The following EML6 variants were observed in gnomAD, a reference collection of about 807,000 sequenced individuals.
EML6 encodes EMAP like 6.
EML6 carries 154 observed loss-of-function variants against 240.1 expected under a neutral mutation model. That is an observed-to-expected ratio of 0.64 (90% CI 0.56 to 0.73). The LOEUF is 0.73. Among genes scored for constraint, EML6 ranks in the 30% least tolerant of loss-of-function variants. EML6 has a pLI of 0.00. For missense variants in EML6, 2,964 were observed against 2,474.6 expected (o/e 1.20, Z -4.20); for synonymous variants, 1,148 against 899.0 (o/e 1.28, Z -4.95).
At chr2:54,964,316 T>A (rs1204376696) in intron 37 of EML6, among the ~76,000 whole-genome samples, 158 bp downstream of exon 37, 1 of 152,252 alleles carries the variant, frequency 6.6e-6, no homozygotes, top group East Asian at 1.9e-4. Flanking sequence ...CTCTCACTCT[T>A]AGACAAGTCT....
chr2:54,867,009 C>A (rs935362088), intron 14 of EML6, 125 bp downstream of exon 14: 2 of 575,756 alleles, frequency 3.5e-6, no homozygotes, highest in African/African-American at 3.8e-5. Context: ...TAGCTCTTCT[C>A]TGCAATGTGC....
At chr2:54,835,100 C>T (rs1490664974) in intron 7 of EML6, among the ~76,000 whole-genome samples, 2 of 152,214 alleles carry the variant, frequency 1.3e-5, no homozygotes, top group Non-Finnish European at 2.9e-5. Flanking sequence ...GACTACTTCC[C>T]TCCTCTCCTT....
chr2:54,921,879 A>G (rs892830380), intron 26 of EML6, among the ~76,000 whole-genome samples: 1 of 152,188 alleles, frequency 6.6e-6, no homozygotes, highest in African/African-American at 2.4e-5. Flanking sequence ...TCTACATTCA[A>G]AAGAATGAAT....
In EML6 at chr2:54,887,030, C is replaced by G. The variant is rs1012234445; in HGVS notation, c.2439-4024C>G. 3.3e-5 allele frequency among the ~76,000 whole-genome samples: 5 copies of G among 152,332 alleles called. No homozygotes were observed. In the East Asian group the frequency reaches 7.7e-4, roughly 24 times the overall value. On this transcript the variant is annotated intron_variant, in intron 17 of 41. Coordinates refer to ENST00000356458, the MANE Select transcript of EML6 (RefSeq NM_001039753.4). ...TACTGCTTTTTATTATTCCCATTAT[C>G]TGGCAATTCTAAACAATGTTAGTGA...
At chr2:54,912,519 A>G (rs6728757) in intron 25 of EML6, among the ~76,000 whole-genome samples, 92,301 of 151,974 alleles carry the variant, frequency 0.61, 28,693 homozygotes, top group African/African-American at 0.73. Flanking sequence ...ACCCAGGTAG[A>G]GAGCACAGTA....
At chr2:54,833,618 C>T (rs186648339) in intron 7 of EML6, among the ~76,000 whole-genome samples, 39 of 152,298 alleles carry the variant, frequency 2.6e-4, no homozygotes, top group Admixed American at 2.2e-3. Flanking sequence ...TCCCTCCCTT[C>T]TCCCCAAGGG....
intron 2 of EML6, among the ~76,000 whole-genome samples, chr2:54,811,844 G>C (rs767193321): frequency 2.0e-4 from 30 of 152,184 alleles, no homozygotes; most frequent in Admixed American, 1.3e-4. Flanking sequence ...CTCACCAACT[G>C]AATGCTGAAG....
intron 32 of EML6, 119 bp from the exon 33 acceptor site, chr2:54,957,671 G>A (rs1279438192): frequency 1.2e-6 from 1 of 856,802 alleles, no homozygotes; most frequent in Non-Finnish European, 1.9e-6. Flanking sequence ...AGAGAGTGCT[G>A]TAAAGAAGAA....
intron 28 of EML6, among the ~76,000 whole-genome samples, chr2:54,936,698 G>A (rs906813097): frequency 3.9e-5 from 6 of 152,158 alleles, no homozygotes; most frequent in Admixed American, 2.0e-4. Flanking sequence ...GCTTTTGACT[G>A]TCTATCCAGG....
chr2:54,850,767 C>T (rs551889932), intron 10 of EML6, among the ~76,000 whole-genome samples: 21 of 152,228 alleles, frequency 1.4e-4, no homozygotes, highest in Middle Eastern at 3.4e-3. Context: ...AAGGCATGTG[C>T]GCACAAGGAT....
At chr2:54,822,019 A>G (rs1409232989) in intron 5 of EML6, among the ~76,000 whole-genome samples, 1 of 152,164 alleles carries the variant, frequency 6.6e-6, no homozygotes, top group Non-Finnish European at 1.5e-5. Context: ...GAAACCGCAA[A>G]CTAGCAAAAG....
At chr2:54,730,007 G>T (rs1454857038) in intron 2 of EML6, among the ~76,000 whole-genome samples, 1 of 152,086 alleles carries the variant, frequency 6.6e-6, no homozygotes, top group Non-Finnish European at 1.5e-5. Context: ...ATGGTGGCAG[G>T]TGCCTGTGGT....
chr2:54,930,685 G>A (rs935424520), intron 28 of EML6, among the ~76,000 whole-genome samples: 2 of 152,170 alleles, frequency 1.3e-5, no homozygotes, highest in African/African-American at 2.4e-5. Context: ...TCTGTAGAGA[G>A]CAGCTTCCTA....
intron 2 of EML6, among the ~76,000 whole-genome samples, chr2:54,730,684 G>A (rs190185576): frequency 5.1e-4 from 77 of 152,138 alleles, no homozygotes; most frequent in Admixed American, 2.7e-3. Context: ...AGCTTTTGAC[G>A]GAAGCTTATA....
chr2:54,952,071 C>T (rs1029374416), intron 30 of EML6, among the ~76,000 whole-genome samples: 1 of 152,196 alleles, frequency 6.6e-6, no homozygotes, highest in African/African-American at 2.4e-5. Context: ...GTAAAGCCAT[C>T]ACCTGTGCTG....
At chr2:54,950,550 G>A (rs567185313) in intron 29 of EML6, 100 bp from the exon 30 acceptor site, 168 of 1,366,296 alleles carry the variant, frequency 1.2e-4, no homozygotes, top group Middle Eastern at 2.1e-4. Context: ...CAGCCATACC[G>A]TTCCTGGGAC....
At position 54,899,621 on chromosome 2, in the gene EML6, C is replaced by T. The variant is rs565551728; in HGVS notation, c.2983-20C>T. The T allele has an allele frequency of 6.4e-6, 10 of 1,550,698 alleles. No homozygotes were observed. The African/African-American group carries it at 1.4e-4, about 21-fold the overall frequency. On this transcript the variant is annotated intron_variant, in intron 21 of 41. Coordinates refer to ENST00000356458, the MANE Select transcript of EML6 (RefSeq NM_001039753.4). ...AACAGCATAAGTAGAGTTTATGTTGCCCCTTTTCCTCTCCCACAGGGGCAC... is the reference window on the plus strand; with the variant it reads ...AACAGCATAAGTAGAGTTTATGTTGTCCCTTTTCCTCTCCCACAGGGGCAC...
intron 2 of EML6, among the ~76,000 whole-genome samples, chr2:54,749,572 G>A (rs1171151804): frequency 6.6e-6 from 1 of 152,028 alleles, no homozygotes; most frequent in Non-Finnish European, 1.5e-5. Context: ...TCATATATAT[G>A]TGATTTATAT....
At chr2:54,904,425 C>A (rs1489878601) in intron 24 of EML6, among the ~76,000 whole-genome samples, 1 of 152,114 alleles carries the variant, frequency 6.6e-6, no homozygotes, top group Non-Finnish European at 1.5e-5. Context: ...AAGCACCAAG[C>A]CCAATGTATG....
Sources: gnomAD v4.1 joint callset for allele counts (sites outside exome capture counted in the v4.1 genomes callset) on GRCh38, gnomAD v4.1.1 for gene constraint, MANE v1.5 for transcripts, NCBI Gene and HGNC (gene_info 2026-07-23, HGNC 2026-07-21) for gene names.